MKLN1: variants seen among roughly 807,000 people sequenced by gnomAD.
MKLN1 encodes the protein muskelin 1.
In MKLN1, 18 loss-of-function variants were observed where a neutral mutation model predicts 99.0. The observed-to-expected ratio is 0.18, with a 90% confidence interval of 0.13 to 0.27. MKLN1 has a LOEUF of 0.27. Among genes scored for constraint, MKLN1 ranks in the 10% least tolerant of loss-of-function variants. The pLI is 1.00. For missense variants in MKLN1, 621 were observed against 875.9 expected (o/e 0.71, Z 3.67); for synonymous variants, 288 against 293.2 (o/e 0.98, Z 0.18).
chr7:131,257,499 G>C (rs1797673688), intron 3 of MKLN1, among the ~76,000 whole-genome samples: 1 of 152,196 alleles, frequency 6.6e-6, no homozygotes, highest in Admixed American at 6.5e-5. Flanking sequence ...AGCTGGCCTA[G>C]ACCTCATAGC....
chr7:131,460,685 T>C (rs1796489586), intron 12 of MKLN1, among the ~76,000 whole-genome samples: 2 of 152,214 alleles, frequency 1.3e-5, no homozygotes, highest in Admixed American at 1.3e-4. Context: ...TTACAGGCTC[T>C]GGTAATAATT....
intron 1 of MKLN1, among the ~76,000 whole-genome samples, chr7:131,361,653 G>A (rs1800032539): frequency 6.6e-6 from 1 of 150,768 alleles, no homozygotes; most frequent in Non-Finnish European, 1.5e-5. Context: ...TCTCTCTGAG[G>A]AAGTTAACTA....
chr7:131,403,547 C>CTTGGCCTT (rs780549914), intron 6 of MKLN1, among the ~76,000 whole-genome samples: 112 of 152,310 alleles, frequency 7.4e-4, no homozygotes, highest in Non-Finnish European at 1.3e-3. Context: ...TTCAGCCTAT[C>CTTGGCCTT]TTGGCCTTTG....
intron 2 of MKLN1, among the ~76,000 whole-genome samples, chr7:131,171,477 G>C (rs1035996734): frequency 6.6e-6 from 1 of 151,284 alleles, no homozygotes; most frequent in African/African-American, 2.4e-5. Context: ...TTTTTTTTGG[G>C]ATCGTGTTTC....
At position 131,399,276 on chromosome 7, in the gene MKLN1, A is replaced by G. The variant is rs34830876; in HGVS notation, c.546A>G (p.Lys182=). Residue 182 remains lysine (K), a synonymous_variant, in exon 6 of 18, where the codon AAA becomes AAG. Transcript: ENST00000352689. The part of the protein sequence containing the change: ...REQEAIRLCL[K]HFRQHNYTEA... Reference sequence around the variant, plus strand: ...AGGAAGCTATTCGCCTTTGCCTAAAACACTTCAGACAACACAACTATACAG... The same window carrying G: ...AGGAAGCTATTCGCCTTTGCCTAAAGCACTTCAGACAACACAACTATACAG... 3.4e-3 allele frequency: 5,413 copies of G among 1,613,948 alleles called. 112 individuals are homozygous for G. The African/African-American group carries it at 0.055, about 16-fold the overall frequency.
At chr7:131,415,369 A>G (rs1159700319) in intron 8 of MKLN1, among the ~76,000 whole-genome samples, 1 of 152,150 alleles carries the variant, frequency 6.6e-6, no homozygotes, top group African/African-American at 2.4e-5. Flanking sequence ...ATGCTCAATT[A>G]TACTGTGTGT....
At chr7:131,443,173 A>G (rs1795892591) in intron 10 of MKLN1, among the ~76,000 whole-genome samples, 2 of 152,218 alleles carry the variant, frequency 1.3e-5, no homozygotes, top group Admixed American at 1.3e-4. Flanking sequence ...TTCACCCAGA[A>G]TATAAGTATT....
At chr7:131,186,173 A>G (rs1413398573) in intron 2 of MKLN1, among the ~76,000 whole-genome samples, 1 of 151,518 alleles carries the variant, frequency 6.6e-6, no homozygotes, top group Non-Finnish European at 1.5e-5. Context: ...CCTGGGTGAC[A>G]GAATAAGACT....
At chr7:131,230,329 C>T (rs1486944235) in intron 3 of MKLN1, among the ~76,000 whole-genome samples, 1 of 151,956 alleles carries the variant, frequency 6.6e-6, no homozygotes, top group Non-Finnish European at 1.5e-5. Flanking sequence ...TTTCTGGGGC[C>T]CCCTTGGCCA....
chr7:131,338,249 A>C (rs1799306884), intron 1 of MKLN1, among the ~76,000 whole-genome samples: 1 of 152,236 alleles, frequency 6.6e-6, no homozygotes, highest in Non-Finnish European at 1.5e-5. Flanking sequence ...ACTGAGTGTC[A>C]CATTTGTTCT....
intron 3 of MKLN1, among the ~76,000 whole-genome samples, chr7:131,263,024 C>T (rs750150384): frequency 4.6e-5 from 7 of 151,930 alleles, no homozygotes; most frequent in African/African-American, 1.5e-4. Flanking sequence ...CTGTTCTCTG[C>T]GTTTCTTATA....
intron 2 of MKLN1, among the ~76,000 whole-genome samples, chr7:131,201,327 A>C (rs1175853011): frequency 2.0e-5 from 3 of 152,060 alleles, no homozygotes; most frequent in Non-Finnish European, 4.4e-5. Flanking sequence ...GCCCCACTTC[A>C]ATTTTTTAAT....
chr7:131,256,619 T>A (rs1262540968), intron 3 of MKLN1, among the ~76,000 whole-genome samples: 1 of 152,210 alleles, frequency 6.6e-6, no homozygotes, highest in Non-Finnish European at 1.5e-5. Flanking sequence ...AGAAAGTCGG[T>A]ACATCTATGA....
At chr7:131,203,255 C>T (rs953665586) in intron 3 of MKLN1, among the ~76,000 whole-genome samples, 1 of 152,256 alleles carries the variant, frequency 6.6e-6, no homozygotes, top group South Asian at 2.1e-4. Context: ...TTAAAAGGAA[C>T]TCTTGGGATT....
At chr7:131,125,689 A>C (rs2116210487) in intron 1 of MKLN1, among the ~76,000 whole-genome samples, 1 of 152,282 alleles carries the variant, frequency 6.6e-6, no homozygotes, top group South Asian at 2.1e-4. Flanking sequence ...TGGGCAACAA[A>C]GTGAGACTTC....
At chr7:131,274,939 G>C (rs1482403859) in intron 3 of MKLN1, among the ~76,000 whole-genome samples, 3 of 152,036 alleles carry the variant, frequency 2.0e-5, no homozygotes, top group Non-Finnish European at 4.4e-5. Flanking sequence ...TTCCCTTCTT[G>C]GCCTCTGAGA....
chr7:131,407,626 A>G (rs756890326), intron 6 of MKLN1, among the ~76,000 whole-genome samples: 1 of 150,888 alleles, frequency 6.6e-6, no homozygotes, highest in Non-Finnish European at 1.5e-5. Context: ...CAATGCTCAT[A>G]ATGCAAAAAT....
intron 2 of MKLN1, among the ~76,000 whole-genome samples, chr7:131,380,318 A>G (rs1368473631): frequency 6.6e-6 from 1 of 152,180 alleles, no homozygotes; most frequent in African/African-American, 2.4e-5. Context: ...TTTACAGATA[A>G]TAGGAGTTTC....
At chr7:131,409,644 G>T (rs879278238) in intron 6 of MKLN1, among the ~76,000 whole-genome samples, 16 of 152,132 alleles carry the variant, frequency 1.1e-4, no homozygotes, top group Non-Finnish European at 1.8e-4. Flanking sequence ...TTGGTCTCTG[G>T]TGAATATATA....
Sources: gnomAD v4.1 joint callset for allele counts (sites outside exome capture counted in the v4.1 genomes callset) on GRCh38, gnomAD v4.1.1 for gene constraint, MANE v1.5 for transcripts, NCBI Gene and HGNC (gene_info 2026-07-23, HGNC 2026-07-21) for gene names.